TAF4: variants seen among roughly 807,000 people sequenced by gnomAD.
TAF4 encodes the protein TATA-box binding protein associated factor 4.
TAF4 carries 9 observed loss-of-function variants against 90.3 expected under a neutral mutation model. The ratio of observed to expected loss-of-function variants is 0.10; its 90% CI spans 0.06 to 0.17. The LOEUF (loss-of-function observed/expected upper bound fraction) is 0.17. Ranked by LOEUF, TAF4 falls within the 10% of genes least tolerant of loss-of-function variation. The probability of loss-of-function intolerance (pLI) is 1.00; values close to 1 mark genes in which losing one functional copy is unlikely to be tolerated. For synonymous variants in TAF4, 818 were observed against 638.9 expected (o/e 1.28, Z -4.23); for missense variants, 1,351 against 1,370.7 (o/e 0.99, Z 0.23).
intron 1 of TAF4, among the ~76,000 whole-genome samples, chr20:62,015,390 A>C (rs1568932653): frequency 6.6e-6 from 1 of 152,262 alleles, no homozygotes; most frequent in Non-Finnish European, 1.5e-5. Flanking sequence ...AGCTTCAAAA[A>C]ACAGCAACCA....
At chr20:62,013,038 T>C (rs1409426519) in intron 2 of TAF4, 104 bp from the exon 3 acceptor site, 3 of 1,495,806 alleles carry the variant, frequency 2.0e-6, no homozygotes, top group East Asian at 2.3e-5. Context: ...TATATCCAAG[T>C]GGGTCCCAGG....
intron 2 of TAF4, among the ~76,000 whole-genome samples, chr20:62,014,020 GT>G (rs2055797173): frequency 3.4e-4 from 27 of 78,500 alleles, no homozygotes; most frequent in African/African-American, 7.7e-4. Flanking sequence ...GGGGGTGTGG[GT>G]GTGTGTGTGT....
At chr20:62,032,026 C>T (rs573738021) in intron 1 of TAF4, among the ~76,000 whole-genome samples, 2 of 152,344 alleles carry the variant, frequency 1.3e-5, no homozygotes, top group African/African-American at 2.4e-5. Flanking sequence ...TGTCCTTCTG[C>T]GAGCCTGCAC....
intron 1 of TAF4, among the ~76,000 whole-genome samples, chr20:62,016,551 C>A (rs1352109730): frequency 6.6e-6 from 1 of 152,226 alleles, no homozygotes; most frequent in African/African-American, 2.4e-5. Flanking sequence ...TGGCCTTACA[C>A]CAGTGGTTTG....
intron 5 of TAF4, among the ~76,000 whole-genome samples, chr20:62,008,553 G>A (rs2055760616): frequency 6.6e-6 from 1 of 151,702 alleles, no homozygotes; most frequent in Non-Finnish European, 1.5e-5. Flanking sequence ...GAGGGGTGGG[G>A]GTGGGGGGGA....
chr20:62,002,701 T>C (rs1198487027), intron 9 of TAF4, among the ~76,000 whole-genome samples: 1 of 152,272 alleles, frequency 6.6e-6, no homozygotes, highest in Middle Eastern at 3.4e-3. Flanking sequence ...TACTATGTTG[T>C]GCAGGCTGGT....
At chr20:62,052,832 G>A (rs867458745) in intron 1 of TAF4, among the ~76,000 whole-genome samples, 8 of 92,766 alleles carry the variant, frequency 8.6e-5, no homozygotes, top group Non-Finnish European at 1.3e-4. Context: ...GATCCCTCGC[G>A]CCATCCCCCA....
intron 5 of TAF4, among the ~76,000 whole-genome samples, chr20:62,008,541 G>A (rs558194243): frequency 4.0e-5 from 6 of 151,788 alleles, no homozygotes; most frequent in Non-Finnish European, 7.4e-5. Context: ...CAGAGGTTTC[G>A]GGAGGGGTGG....
chr20:62,047,701 G>T (rs1045220592), intron 1 of TAF4, among the ~76,000 whole-genome samples: 28 of 152,226 alleles, frequency 1.8e-4, no homozygotes, highest in African/African-American at 6.3e-4. Flanking sequence ...TGCCGTGAGC[G>T]CAGAGCGCAC....
intron 1 of TAF4, among the ~76,000 whole-genome samples, chr20:62,040,634 T>C (rs1179644799): frequency 1.3e-5 from 2 of 152,228 alleles, no homozygotes; most frequent in African/African-American, 2.4e-5. Flanking sequence ...TAAAAAGTAG[T>C]ATGTGCTAAC....
At chr20:62,035,892 CACAA>C (rs146691233) in intron 1 of TAF4, among the ~76,000 whole-genome samples, 2,721 of 152,050 alleles carry the variant, frequency 0.018, 86 homozygotes, top group African/African-American at 0.062. Flanking sequence ...GGCAAAAAGA[CACAA>C]ACAGACATTT....
chr20:62,060,345 GC>G (rs1362162986), intron 1 of TAF4, among the ~76,000 whole-genome samples: 1 of 152,262 alleles, frequency 6.6e-6, no homozygotes, highest in African/African-American at 2.4e-5. Flanking sequence ...ATAGACCTCT[GC>G]TGTGAATGCA....
chr20:62,019,832 A>G (rs529796879), intron 1 of TAF4, among the ~76,000 whole-genome samples: 4 of 152,358 alleles, frequency 2.6e-5, no homozygotes, highest in African/African-American at 9.6e-5. Flanking sequence ...TGAAGCCAAA[A>G]TGTAGAGCAT....
chr20:61,977,223 A>G (rs921203503), intron 14 of TAF4, among the ~76,000 whole-genome samples: 3 of 147,034 alleles, frequency 2.0e-5, no homozygotes, highest in Non-Finnish European at 4.5e-5. Context: ...CACACACAAC[A>G]CCGCCCAGCG....
chr20:62,044,325 T>C (rs767259171), intron 1 of TAF4, among the ~76,000 whole-genome samples: 2 of 152,212 alleles, frequency 1.3e-5, no homozygotes, highest in African/African-American at 4.8e-5. Flanking sequence ...ATATGCTACA[T>C]TAGTTATAAT....
At chr20:62,025,549 G>A (rs564316010) in intron 1 of TAF4, among the ~76,000 whole-genome samples, 26 of 152,270 alleles carry the variant, frequency 1.7e-4, no homozygotes, top group Middle Eastern at 3.4e-3. Context: ...TCATGATAGC[G>A]AGTGAGTTCT....
At chr20:61,982,148 G>A (rs1217359929) in intron 14 of TAF4, among the ~76,000 whole-genome samples, 2 of 92,144 alleles carry the variant, frequency 2.2e-5, no homozygotes, top group Non-Finnish European at 4.1e-5. Flanking sequence ...CACCCTAGAA[G>A]AGACACCAAA....
rs2056114132 is a variant in TAF4, at chr20:62,064,798, G to C, written c.1013C>G (p.Pro338Arg). Reference sequence around the variant, plus strand: ...CGACTCGGCCTTGACCCCCGGCGCCGGCGCCGCAGCCGCCGCGCCGGGCCC... The same window carrying C: ...CGACTCGGCCTTGACCCCCGGCGCCCGCGCCGCAGCCGCCGCGCCGGGCCC... The part of the protein sequence containing the change: ...QPGPGAAAAA[P>R]APGVKAESPK... The change falls in exon 1 of 15, where the codon CCG becomes CGG. Residue 338 changes from proline to arginine, a missense_variant. Pro to Arg is a moderately radical substitution (Grantham distance 103). Around this residue, in one of 9 missense-constraint regions of TAF4, gnomAD observed 782 missense variants for 536.6 expected, o/e 1.46. Coordinates refer to ENST00000252996, the MANE Select transcript of TAF4 (RefSeq NM_003185.4). 3.9e-6 allele frequency: 4 copies of C among 1,020,494 alleles called. No individual in the cohort carries two copies. The highest frequency in any genetic ancestry group is 4.7e-6 in the Non-Finnish European group (4 of 854,580). 63.2% of individuals were successfully genotyped at this position (1,020,494 alleles called of 1,614,324 possible).
intron 1 of TAF4, among the ~76,000 whole-genome samples, 192 bp from the exon 2 acceptor site, chr20:62,014,899 G>C (rs965603783): frequency 6.6e-6 from 1 of 152,124 alleles, no homozygotes; most frequent in Admixed American, 6.5e-5. Context: ...AACTGTAAAG[G>C]TTGTTAAAAG....
Sources: allele counts gnomAD v4.1 joint callset (sites outside exome capture counted in the v4.1 genomes callset), GRCh38; gene constraint gnomAD v4.1.1; regional missense constraint gnomAD v4.1.1; transcripts MANE v1.5; gene names NCBI Gene and HGNC (gene_info 2026-07-23, HGNC 2026-07-21).